BCAS4: variants seen among roughly 807,000 people sequenced by gnomAD.
BCAS4 encodes breast carcinoma-amplified sequence 4.
A neutral mutation model predicts 15.7 loss-of-function variants in BCAS4; 9 were observed. The observed-to-expected ratio is 0.57, with a 90% CI of 0.34 to 1.00. BCAS4 has a LOEUF of 1.00. BCAS4 is among the 50% of genes least tolerant of loss of function. The pLI, the probability that BCAS4 is intolerant of heterozygous loss-of-function variation, is 0.02. For synonymous variants in BCAS4, 101 were observed against 99.5 expected, an observed-to-expected ratio of 1.02 and a Z score of -0.09; for missense variants, 225 against 239.1, an observed-to-expected ratio of 0.94 and a Z score of 0.39.
intron 1 of BCAS4, among the ~76,000 whole-genome samples, chr20:50,801,631 G>A (rs1015353793): frequency 1.3e-5 from 2 of 152,128 alleles, no homozygotes; most frequent in African/African-American, 2.4e-5. Context: ...ATGAGCCACC[G>A]CACCTGGCCT....
intron 1 of BCAS4, among the ~76,000 whole-genome samples, chr20:50,803,313 C>T (rs1311623778): frequency 6.6e-6 from 1 of 152,246 alleles, no homozygotes; most frequent in African/African-American, 2.4e-5. Flanking sequence ...TGCCCATGCA[C>T]AGCAGCGTTC....
At chr20:50,858,336 T>A (rs1978875456) in intron 4 of BCAS4, among the ~76,000 whole-genome samples, 1 of 151,978 alleles carries the variant, frequency 6.6e-6, no homozygotes, top group African/African-American at 2.4e-5. Context: ...GCATGGTGGC[T>A]CACACCTGTA....
At chr20:50,839,600 T>G (rs1431794814) in intron 3 of BCAS4, among the ~76,000 whole-genome samples, 3 of 152,172 alleles carry the variant, frequency 2.0e-5, no homozygotes, top group Non-Finnish European at 4.4e-5. Flanking sequence ...CCTCCCGGGT[T>G]CAAGTAATTC....
At chr20:50,841,158 TG>T (rs1458775717) in intron 3 of BCAS4, among the ~76,000 whole-genome samples, 1 of 152,190 alleles carries the variant, frequency 6.6e-6, no homozygotes, top group Non-Finnish European at 1.5e-5. Context: ...GCTCTGCACT[TG>T]AGGCCTGGAG....
chr20:50,858,725 ATTT>A (rs58684022), intron 4 of BCAS4, among the ~76,000 whole-genome samples: 24 of 117,610 alleles, frequency 2.0e-4, no homozygotes, highest in African/African-American at 7.2e-4. Flanking sequence ...TTTTTCTTGA[ATTT>A]TTTTTTTTTT....
At chr20:50,817,485 C>T (rs532381097) in intron 1 of BCAS4, among the ~76,000 whole-genome samples, 46 of 152,220 alleles carry the variant, frequency 3.0e-4, no homozygotes, top group African/African-American at 9.9e-4. Flanking sequence ...TTTTTTGAGA[C>T]GGAGTCTCGC....
intron 3 of BCAS4, among the ~76,000 whole-genome samples, chr20:50,835,188 TCAAA>T (rs2088392142): frequency 6.6e-6 from 1 of 152,182 alleles, no homozygotes; most frequent in East Asian, 1.9e-4. Context: ...TTAGGACGTT[TCAAA>T]CAGTTTTCCA....
At chr20:50,870,367 G>A (rs1021385305) in intron 4 of BCAS4, among the ~76,000 whole-genome samples, 1 of 152,182 alleles carries the variant, frequency 6.6e-6, no homozygotes, top group African/African-American at 2.4e-5. Context: ...TGAGGTGGTG[G>A]GCTTGGCTTT....
At chr20:50,796,589 G>C (rs2087867792) in intron 1 of BCAS4, among the ~76,000 whole-genome samples, 1 of 128,936 alleles carries the variant, frequency 7.8e-6, no homozygotes, top group African/African-American at 3.0e-5. Flanking sequence ...CCGCCTCCCA[G>C]GTTCAAGGAA....
intron 4 of BCAS4, among the ~76,000 whole-genome samples, chr20:50,864,370 A>T (rs1232250123): frequency 1.3e-5 from 2 of 150,654 alleles, no homozygotes; most frequent in Non-Finnish European, 3.0e-5. Flanking sequence ...CCTGCAGAGG[A>T]TTGTTGTGTG....
chr20:50,803,276 G>T (rs188298241), intron 1 of BCAS4, among the ~76,000 whole-genome samples: 1 of 152,372 alleles, frequency 6.6e-6, no homozygotes, highest in East Asian at 1.9e-4. Context: ...GAGCAGTAGC[G>T]GCTGCAGCGG....
At chr20:50,820,199 G>A (rs1042272920) in intron 2 of BCAS4, among the ~76,000 whole-genome samples, 1 of 152,216 alleles carries the variant, frequency 6.6e-6, no homozygotes, top group Admixed American at 6.5e-5. Flanking sequence ...AGTATGCAAA[G>A]AGAGTTCAGT....
chr20:50,820,803 C>T (rs2088204102), intron 2 of BCAS4, among the ~76,000 whole-genome samples: 1 of 152,128 alleles, frequency 6.6e-6, no homozygotes, highest in African/African-American at 2.4e-5. Context: ...CCTCCTAACT[C>T]GAAGCCTGGA....
intron 4 of BCAS4, among the ~76,000 whole-genome samples, chr20:50,847,126 AC>A (rs2088555560): frequency 1.3e-5 from 2 of 151,508 alleles, no homozygotes; most frequent in Admixed American, 6.6e-5. Context: ...AGCGTCGGCC[AC>A]CTGAAAAGCC....
chr20:50,799,224 C>T (rs2087900137), intron 1 of BCAS4, among the ~76,000 whole-genome samples: 4 of 152,150 alleles, frequency 2.6e-5, no homozygotes, highest in Non-Finnish European at 4.4e-5. Context: ...AGAGAAACTG[C>T]GTGTATTCAT....
chr20:50,854,010 C>A (rs1406356507), intron 4 of BCAS4, among the ~76,000 whole-genome samples: 1 of 152,172 alleles, frequency 6.6e-6, no homozygotes, highest in African/African-American at 2.4e-5. Context: ...GAGTTAAGGA[C>A]CACTGGCCCA....
At chr20:50,852,647 G>A (rs1978502696) in intron 4 of BCAS4, among the ~76,000 whole-genome samples, 1 of 152,200 alleles carries the variant, frequency 6.6e-6, no homozygotes, top group Non-Finnish European at 1.5e-5. Flanking sequence ...TTCCCAAAGT[G>A]CTGGGATTAC....
intron 4 of BCAS4, among the ~76,000 whole-genome samples, chr20:50,842,292 A>G (rs1169428199): frequency 6.6e-6 from 1 of 152,148 alleles, no homozygotes; most frequent in African/African-American, 2.4e-5. Context: ...CAAGCCGGGG[A>G]AGGGGGACGG....
In BCAS4 at chr20:50,841,847, C is replaced by A; in HGVS notation, c.346C>A (p.Pro116Thr). ...LQAERDHGAF[P>T]QALRRWLGSA... ...GGCTGAGCGGGACCATGGGGCCTTC[C>A]CTCAGGCCCTGCGGAGGTGGCTGGG... The change falls in exon 4 of 5, where the codon CCT (proline) becomes ACT (threonine). Residue 116 changes from proline (P) to threonine (T), a missense_variant. Coordinates refer to ENST00000371608, the MANE Select transcript of BCAS4 (RefSeq NM_198799.4). 6.2e-7 allele frequency: 1 copy of A among 1,612,100 alleles called. No individual in the cohort carries two copies. The highest frequency in any genetic ancestry group is 8.5e-7 in the Non-Finnish European group (1 of 1,178,992).
Sources: allele counts gnomAD v4.1 joint callset (sites outside exome capture counted in the v4.1 genomes callset), GRCh38; gene constraint gnomAD v4.1.1; transcripts MANE v1.5; gene names NCBI Gene and HGNC (gene_info 2026-07-23, HGNC 2026-07-21).